ALK: variants seen among roughly 807,000 people sequenced by gnomAD.
ALK encodes ALK receptor tyrosine kinase.
ALK carries 74 observed loss-of-function variants against 163.1 expected under a neutral mutation model. That is an observed-to-expected ratio of 0.45 (90% CI 0.38 to 0.55). The LOEUF is 0.55. Among genes scored for constraint, ALK ranks in the 20% least tolerant of loss-of-function variants. The pLI is 0.00. For missense variants in ALK, 2,063 were observed against 2,105.3 expected, an observed-to-expected ratio of 0.98 and a Z score of 0.39; for synonymous variants, 960 against 843.2, an observed-to-expected ratio of 1.14 and a Z score of -2.40.
intron 1 of ALK, among the ~76,000 whole-genome samples, chr2:29,808,995 C>T (rs1664684618): frequency 6.6e-6 from 1 of 152,218 alleles, no homozygotes; most frequent in Non-Finnish European, 1.5e-5. Flanking sequence ...TCCATACTCA[C>T]CTGCCATTCC....
intron 5 of ALK, among the ~76,000 whole-genome samples, chr2:29,378,640 G>A (rs1668815617): frequency 6.6e-6 from 1 of 152,186 alleles, no homozygotes; most frequent in South Asian, 2.1e-4. Flanking sequence ...GCATGGAAGA[G>A]CTAGATGAGG....
At chr2:29,888,249 T>TTTTG (rs199515663) in intron 1 of ALK, among the ~76,000 whole-genome samples, 141 of 117,190 alleles carry the variant, frequency 1.2e-3, no homozygotes, top group African/African-American at 3.5e-3. Context: ...ATAAATTGTT[T>TTTTG]TTTTTTTTTT....
At chr2:29,564,441 A>AC (rs758397410) in intron 3 of ALK, among the ~76,000 whole-genome samples, 3,816 of 103,784 alleles carry the variant, frequency 0.037, 62 homozygotes, top group Middle Eastern at 0.11. Flanking sequence ...CCCTACCACC[A>AC]CCCCCACCGC....
intron 4 of ALK, among the ~76,000 whole-genome samples, chr2:29,475,868 C>G (rs991879776): frequency 1.1e-4 from 16 of 151,540 alleles, no homozygotes; most frequent in African/African-American, 3.9e-4. Flanking sequence ...TCACAATAAA[C>G]AGAGAGAGAG....
At chr2:29,642,569 C>T (rs1046969196) in intron 3 of ALK, among the ~76,000 whole-genome samples, 6 of 152,084 alleles carry the variant, frequency 3.9e-5, no homozygotes, top group South Asian at 2.1e-4. Context: ...AAATCTGGGT[C>T]GGCATAAATT....
chr2:29,671,258 T>C (rs1042477002), intron 3 of ALK, among the ~76,000 whole-genome samples: 1 of 152,086 alleles, frequency 6.6e-6, no homozygotes, highest in Non-Finnish European at 1.5e-5. Flanking sequence ...GTGCTGCCTG[T>C]TCCAAATGGG....
chr2:29,624,279 T>C (rs541895502), intron 3 of ALK, among the ~76,000 whole-genome samples: 1 of 152,334 alleles, frequency 6.6e-6, no homozygotes, highest in Middle Eastern at 3.4e-3. Flanking sequence ...AAGGGACCTT[T>C]AAGTTTTTAC....
chr2:29,747,756 T>A (rs368887704), intron 1 of ALK, among the ~76,000 whole-genome samples: 6 of 152,088 alleles, frequency 3.9e-5, no homozygotes, highest in African/African-American at 1.4e-4. Context: ...AGAAAGCCCC[T>A]CCCCCACCAC....
In ALK at chr2:29,275,209, A is replaced by C. The variant is rs774398992; in HGVS notation, c.1931T>G (p.Ile644Ser). Residue 644 changes from isoleucine (I) to serine (S), a missense_variant, in exon 11 of 29, where the codon ATC (isoleucine) becomes AGC (serine). This residue lies in a region of ALK where 987 missense variants were observed against 939.5 expected (regional missense o/e 1.05). Transcript: ENST00000389048. ...TGATTTGGGTGCTGTATTCTGCAGG[A>C]TCTTGTCCTCTCCGCTAACTGCAAT... ...CYLTISGEDK[I>S]LQNTAPKSRN... 1.9e-6 allele frequency: 3 copies of C among 1,614,068 alleles called. No homozygotes were observed. Among genetic ancestry groups the C allele is most frequent in the Non-Finnish European group, 8.5e-7 (1 of 1,180,020 alleles).
chr2:29,309,182 T>A (rs1305233167), intron 8 of ALK, among the ~76,000 whole-genome samples: 1 of 152,134 alleles, frequency 6.6e-6, no homozygotes, highest in Non-Finnish European at 1.5e-5. Flanking sequence ...CACAGGAGCA[T>A]CTGCAGGGGG....
intron 3 of ALK, among the ~76,000 whole-genome samples, chr2:29,588,287 A>G (rs1674946699): frequency 6.6e-6 from 1 of 152,128 alleles, no homozygotes; most frequent in South Asian, 2.1e-4. Context: ...GCTGAAGTGA[A>G]GTGGCACATC....
intron 25 of ALK, among the ~76,000 whole-genome samples, chr2:29,209,216 T>G (rs1326640302): frequency 1.3e-5 from 2 of 152,140 alleles, no homozygotes; most frequent in African/African-American, 4.8e-5. Flanking sequence ...ATGGCCAGAT[T>G]ACAGTTGGAA....
intron 4 of ALK, among the ~76,000 whole-genome samples, chr2:29,495,514 C>T (rs530208100): frequency 6.6e-6 from 1 of 152,278 alleles, no homozygotes; most frequent in South Asian, 2.1e-4. Context: ...CATACTAGTG[C>T]TAGTTACTAG....
rs1351117429 is a variant in ALK at position 29,433,965 on chromosome 2, T to C, written c.1155-50106A>G. ...CTTAATGGAATATCTACAAGATATT[T>C]TAAAACTCAGAGTTTTTTTGCACCA... On this transcript the variant is annotated intron_variant, in intron 4 of 28. Coordinates refer to ENST00000389048, the MANE Select transcript of ALK (RefSeq NM_004304.5). Among the ~76,000 whole-genome samples, 3 of 152,206 alleles carry C rather than the reference T, an allele frequency of 2.0e-5. 1 individual carries two copies. The highest frequency in any genetic ancestry group is 2.0e-4 in the Admixed American group (3 of 15,284).
chr2:29,295,844 A>G (rs1200881703), intron 9 of ALK, among the ~76,000 whole-genome samples: 1 of 152,084 alleles, frequency 6.6e-6, no homozygotes, highest in Non-Finnish European at 1.5e-5. Flanking sequence ...GTAAGGGTTG[A>G]CTTTTAGCCC....
chr2:29,857,721 A>G (rs950691667), intron 1 of ALK, among the ~76,000 whole-genome samples: 5 of 152,258 alleles, frequency 3.3e-5, no homozygotes. Flanking sequence ...TACTCTCGTT[A>G]AATGAACAAA....
At chr2:29,514,358 G>T (rs993005699) in intron 4 of ALK, among the ~76,000 whole-genome samples, 12 of 150,914 alleles carry the variant, frequency 8.0e-5, no homozygotes, top group African/African-American at 2.9e-4. Flanking sequence ...TAGGGACATG[G>T]ATGAAATTGG....
At chr2:29,550,989 C>T (rs954937032) in intron 3 of ALK, among the ~76,000 whole-genome samples, 1 of 152,052 alleles carries the variant, frequency 6.6e-6, no homozygotes, top group Non-Finnish European at 1.5e-5. Context: ...CACATTTAAT[C>T]TGTTGTTTTA....
chr2:29,914,422 A>AT (rs1298965484), intron 1 of ALK, among the ~76,000 whole-genome samples: 1 of 152,214 alleles, frequency 6.6e-6, no homozygotes. Context: ...CAGACAGACT[A>AT]AAATGTATAT....
Sources: allele counts gnomAD v4.1 joint callset (sites outside exome capture counted in the v4.1 genomes callset), GRCh38; gene constraint gnomAD v4.1.1; regional missense constraint gnomAD v4.1.1; transcripts MANE v1.5; gene names NCBI Gene and HGNC (gene_info 2026-07-23, HGNC 2026-07-21).